MPPED2: variants seen among roughly 807,000 people sequenced by gnomAD.
MPPED2 encodes the protein metallophosphoesterase domain containing 2.
Under a neutral mutation model 33.0 loss-of-function variants are expected in MPPED2, and 5 were observed. That is an observed-to-expected ratio of 0.15 (90% CI 0.08 to 0.32). The LOEUF is 0.32. Ranked by LOEUF, MPPED2 falls within the 10% of genes least tolerant of loss-of-function variation. The probability of loss-of-function intolerance (pLI) is 1.00; values close to 1 mark genes in which losing one functional copy is unlikely to be tolerated. For missense variants in MPPED2, 275 were observed against 372.1 expected, an observed-to-expected ratio of 0.74 and a Z score of 2.15; for synonymous variants, 136 against 141.9, an observed-to-expected ratio of 0.96 and a Z score of 0.29.
At chr11:30,585,564 G>C (rs1386996719) in intron 1 of MPPED2, among the ~76,000 whole-genome samples, 1 of 152,150 alleles carries the variant, frequency 6.6e-6, no homozygotes, top group Non-Finnish European at 1.5e-5. Context: ...CTAGTAAACA[G>C]CTCGCTGAGC....
chr11:30,429,104 G>A (rs1269177172), intron 4 of MPPED2: 1 of 152,174 alleles, frequency 6.6e-6, no homozygotes, highest in Non-Finnish European at 1.5e-5. Flanking sequence ...TTCTAGTCAT[G>A]ACTTTTCCAA....
intron 4 of MPPED2, among the ~76,000 whole-genome samples, chr11:30,482,738 C>G (rs1951547469): frequency 6.6e-6 from 1 of 151,060 alleles, no homozygotes; most frequent in African/African-American, 2.5e-5. Flanking sequence ...TTGGAACAAT[C>G]AACAAAGCAA....
chr11:30,553,842 A>G (rs1412393876), intron 2 of MPPED2, among the ~76,000 whole-genome samples: 1 of 152,184 alleles, frequency 6.6e-6, no homozygotes, highest in East Asian at 1.9e-4. Flanking sequence ...TTGCAGAATT[A>G]TTGTCAACAA....
At position 30,536,130 on chromosome 11, in the gene MPPED2, C is replaced by T. The variant is rs1451634854; in HGVS notation, c.174G>A (p.Thr58=). ...PYDTPKPAGH[T]RFVCISDTHS... is the part of the protein sequence containing the mutation. ...GTGTGTCTGAGATGCAGACAAACCG[C>T]GTGTGGCCCGCTGGTTTTGGAGTGT... The change falls in exon 3 of 7, where the codon ACG becomes ACA. Residue 58 remains threonine (T), a synonymous_variant. Coordinates refer to ENST00000358117, the MANE Select transcript of MPPED2 (RefSeq NM_001584.3). The T allele has an allele frequency of 1.1e-5, 18 of 1,612,092 alleles. No individual in the cohort carries two copies. The highest frequency in any genetic ancestry group is 2.7e-5 in the African/African-American group (2 of 74,854).
Position 30,457,716 on chromosome 11 carries a change from T to G in MPPED2, c.536+37580A>C, listed in dbSNP as rs551721081. 1.8e-4 allele frequency among the ~76,000 whole-genome samples: 27 copies of G among 152,296 alleles called. 1 individual carries two copies. In the South Asian group the frequency reaches 5.6e-3, roughly 32 times the overall value. ...TCCCAAACCAGGATTTGAACATAGTTCGGAGTGCAAAGGTCATGCCCTTTC... is the reference window on the plus strand; with the variant it reads ...TCCCAAACCAGGATTTGAACATAGTGCGGAGTGCAAAGGTCATGCCCTTTC... On this transcript the variant is annotated intron_variant, in intron 4 of 6. Coordinates refer to ENST00000358117, the MANE Select transcript of MPPED2 (RefSeq NM_001584.3).
At position 30,410,882 on chromosome 11, in the gene MPPED2, C is replaced by T; in HGVS notation, c.*586G>A. On this transcript the variant is annotated 3_prime_UTR_variant, in exon 7 of 7. Coordinates refer to ENST00000358117, the MANE Select transcript of MPPED2 (RefSeq NM_001584.3). ...CACAATAGGAATCTCACTAGTTAAA[C>T]CATCCTTTAAATGACAGCCATTTTC... 2.0e-6 allele frequency: 2 copies of T among 985,660 alleles called. No individual in the cohort carries two copies. The highest frequency in any genetic ancestry group is 1.1e-4 in the East Asian group (1 of 8,812). 61.1% of individuals were successfully genotyped at this position (985,660 alleles called of 1,614,324 possible).
intron 3 of MPPED2, among the ~76,000 whole-genome samples, chr11:30,527,491 AG>A (rs1366837893): frequency 6.6e-6 from 1 of 150,792 alleles, no homozygotes; most frequent in Non-Finnish European, 1.5e-5. Flanking sequence ...GTGACGCTGG[AG>A]GGGAGAGAGA....
At chr11:30,425,545 C>T (rs112548860) in intron 4 of MPPED2, 26 of 152,158 alleles carry the variant, frequency 1.7e-4, no homozygotes, top group African/African-American at 6.3e-4. Context: ...AACATGACGC[C>T]CATCCATCAT....
rs1950287931 is a variant in MPPED2 at position 30,456,569 on chromosome 11, T to A, written c.536+38727A>T. Reference sequence around the variant, plus strand: ...GTGTGTGCGTGTGTGTGTGTGTCTGTGTGTGTGTAGTACAGGACTGTTGTA... The same window carrying A: ...GTGTGTGCGTGTGTGTGTGTGTCTGAGTGTGTGTAGTACAGGACTGTTGTA... On this transcript the variant is annotated intron_variant, in intron 4 of 6. Coordinates refer to ENST00000358117, the MANE Select transcript of MPPED2 (RefSeq NM_001584.3). Among the ~76,000 whole-genome samples the A allele has an allele frequency of 5.9e-5, 9 of 152,236 alleles. No individual in the cohort carries two copies. The South Asian group carries it at 1.5e-3, about 25-fold the overall frequency.
chr11:30,482,524 T>C (rs1167899811), intron 4 of MPPED2, among the ~76,000 whole-genome samples: 1 of 152,202 alleles, frequency 6.6e-6, no homozygotes, highest in Non-Finnish European at 1.5e-5. Context: ...ACTTTTTGCA[T>C]GATTTCTATT....
At chr11:30,460,129 C>T (rs988958859) in intron 4 of MPPED2, among the ~76,000 whole-genome samples, 1 of 152,182 alleles carries the variant, frequency 6.6e-6, no homozygotes, top group Non-Finnish European at 1.5e-5. Context: ...GAGTTTCACA[C>T]CCTGCTTATA....
At chr11:30,386,850 ATAG>A (rs553951957) in exon 7 of MPPED2, 17 of 398,108 alleles carry the variant, frequency 4.3e-5, no homozygotes, top group African/African-American at 8.2e-5. Flanking sequence ...AGCAAAAGCA[ATAG>A]TAGTAGTAGT....
chr11:30,442,943 T>G (rs1949646878), intron 4 of MPPED2, among the ~76,000 whole-genome samples: 1 of 152,138 alleles, frequency 6.6e-6, no homozygotes, highest in African/African-American at 2.4e-5. Context: ...TAGCGAGCTA[T>G]GATCACACCA....
At chr11:30,389,550 T>C (rs1450188483) in intron 6 of MPPED2, among the ~76,000 whole-genome samples, 2 of 152,238 alleles carry the variant, frequency 1.3e-5, no homozygotes, top group African/African-American at 4.8e-5. Context: ...GACTCCCTGC[T>C]TCCTTTCCTC....
intron 2 of MPPED2, among the ~76,000 whole-genome samples, chr11:30,538,023 T>C (rs503925): frequency 0.082 from 12,542 of 152,208 alleles, 619 homozygotes; most frequent in South Asian, 0.15. Flanking sequence ...TGTTCCCTGC[T>C]GGGGCTGACT....
chr11:30,477,140 A>C (rs1461330237), intron 4 of MPPED2, among the ~76,000 whole-genome samples: 1 of 152,090 alleles, frequency 6.6e-6, no homozygotes, highest in African/African-American at 2.4e-5. Flanking sequence ...AGAATTTTCT[A>C]CAATGACAAC....
At chr11:30,512,768 A>C (rs923062583) in intron 3 of MPPED2, among the ~76,000 whole-genome samples, 2 of 152,206 alleles carry the variant, frequency 1.3e-5, no homozygotes, top group African/African-American at 4.8e-5. Context: ...TGGAAGGTGG[A>C]GGCGGGCTGA....
intron 4 of MPPED2, among the ~76,000 whole-genome samples, chr11:30,461,653 A>G (rs1035731664): frequency 1.3e-5 from 2 of 152,190 alleles, no homozygotes; most frequent in Non-Finnish European, 2.9e-5. Context: ...TCCAAAGTTC[A>G]GCACCCTGAG....
chr11:30,568,640 A>G (rs572383663), intron 2 of MPPED2, among the ~76,000 whole-genome samples: 38 of 152,234 alleles, frequency 2.5e-4, no homozygotes, highest in Non-Finnish European at 5.1e-4. Flanking sequence ...CTTTGTATTA[A>G]TAATCTTTAA....
Sources: gnomAD v4.1 joint callset for allele counts (sites outside exome capture counted in the v4.1 genomes callset) on GRCh38, gnomAD v4.1.1 for gene constraint, MANE v1.5 for transcripts, NCBI Gene and HGNC (gene_info 2026-07-23, HGNC 2026-07-21) for gene names.